Variants in CDK7 observed in about 807,000 individuals in gnomAD.
CDK7 encodes cyclin-dependent kinase 7.
In CDK7, 25 loss-of-function variants were observed where a neutral mutation model predicts 49.1. The ratio of observed to expected loss-of-function variants is 0.51; its 90% CI spans 0.37 to 0.71. CDK7 has a LOEUF of 0.71. CDK7 is among the 30% of genes least tolerant of loss of function. CDK7 has a pLI of 0.00. For missense variants in CDK7, 316 were observed against 411.7 expected (o/e 0.77, Z 2.01); for synonymous variants, 107 against 140.0 (o/e 0.76, Z 1.67).
At chr5:69,241,485 C>T (rs1460811463) in intron 2 of CDK7, among the ~76,000 whole-genome samples, 1 of 151,722 alleles carries the variant, frequency 6.6e-6, no homozygotes, top group Non-Finnish European at 1.5e-5. Context: ...ATCACCACAC[C>T]CGGCTAATTT....
rs182333988 is a variant in CDK7 at position 69,237,716 on chromosome 5, C to T, written c.126+2263C>T. On this transcript the variant is annotated intron_variant, in intron 2 of 11. Transcript: ENST00000256443. ...TTGTAATACCAGCACTTTGGGAGCT[C>T]GAGGCAGGCGGATCACCTGAGGTCA... Among the ~76,000 whole-genome samples the T allele has an allele frequency of 2.0e-3, 303 of 152,166 alleles. 3 individuals carry two copies. The highest frequency in any genetic ancestry group is 7.1e-3 in the African/African-American group (294 of 41,520).
intron 7 of CDK7, among the ~76,000 whole-genome samples, chr5:69,261,488 CTCTGTGTGTGTGTGTGTGTGTGTGTG>C (rs1265598069): frequency 1.7e-5 from 2 of 120,362 alleles, no homozygotes; most frequent in Admixed American, 1.7e-4. Flanking sequence ...TGAAAAGGTT[CTCTGTGTGTGTGTGTGTGTGTGTGTG>C]TGTGTGTGTG....
chr5:69,250,764 C>T (rs188772299), intron 2 of CDK7: 3 of 456,572 alleles, frequency 6.6e-6, no homozygotes, highest in Admixed American at 4.7e-5. Flanking sequence ...CTGGTAGCCA[C>T]TACAGCTGTG....
At chr5:69,269,176 C>CTTT in intron 8 of CDK7, 31 bp from the exon 9 acceptor site, 1 of 1,419,272 alleles carries the variant, frequency 7.0e-7, no homozygotes, top group East Asian at 2.3e-5. Flanking sequence ...AAAAACCCAC[C>CTTT]TTGAAAAGTC....
In CDK7 at chr5:69,255,535, T is replaced by G; in HGVS notation, c.297+7T>G. 5 of 1,533,858 alleles carry G rather than the reference T, an allele frequency of 3.3e-6. No homozygotes were observed. Among genetic ancestry groups the G allele is most frequent in the Non-Finnish European group, 4.5e-6 (5 of 1,107,690 alleles). ...TATGGAAACTGATCTAGAGGTAAGA[T>G]TAAGATTCCTGGAGAAATTCCTTTG... On this transcript the variant is annotated splice_region_variant and intron_variant, in intron 5 of 11. Coordinates refer to ENST00000256443, the MANE Select transcript of CDK7 (RefSeq NM_001799.4).
intron 6 of CDK7, among the ~76,000 whole-genome samples, 177 bp downstream of exon 6, chr5:69,258,330 C>T (rs943641605): frequency 6.6e-6 from 1 of 151,464 alleles, no homozygotes; most frequent in Non-Finnish European, 1.5e-5. Flanking sequence ...TGTAAGGACT[C>T]CATATTACTT....
At chr5:69,243,922 T>A (rs1456887102) in intron 2 of CDK7, among the ~76,000 whole-genome samples, 1 of 140,396 alleles carries the variant, frequency 7.1e-6, no homozygotes, top group Non-Finnish European at 1.5e-5. Context: ...AACCTGTGCC[T>A]CCCGGGTTTG....
intron 2 of CDK7, among the ~76,000 whole-genome samples, chr5:69,251,442 G>T (rs958749683): frequency 1.3e-5 from 2 of 152,022 alleles, no homozygotes; most frequent in Admixed American, 6.6e-5. Flanking sequence ...ACGGGGTCTT[G>T]CTATGTTGCC....
At chr5:69,235,082 A>G in intron 1 of CDK7, 41 bp downstream of exon 1, 1 of 1,550,726 alleles carries the variant, frequency 6.4e-7, no homozygotes, top group South Asian at 1.2e-5. Context: ...CCAAGCGGAC[A>G]GCCCCGCGCC....
intron 8 of CDK7, among the ~76,000 whole-genome samples, chr5:69,268,525 T>C (rs1035809132): frequency 7.2e-5 from 11 of 152,242 alleles, no homozygotes; most frequent in African/African-American, 1.9e-4. Flanking sequence ...GTTTTTCTTA[T>C]TAAATTTATA....
upstream of CDK7, chr5:69,234,854 G>A (rs755930502): frequency 7.2e-6 from 7 of 974,536 alleles, no homozygotes; most frequent in South Asian, 3.0e-5. Flanking sequence ...AGTGAGGCGG[G>A]GATACTAAAG....
In CDK7 at chr5:69,277,295, T is replaced by TA. The variant is rs1336260888; in HGVS notation, c.*164dup. ...TGGGTTATTTTTATTAAATGTATTT[T>TA]AAAATAAAAATTTAATTCTGGTTTT... On this transcript the variant is annotated 3_prime_UTR_variant, in exon 12 of 12. Coordinates refer to ENST00000256443, the MANE Select transcript of CDK7 (RefSeq NM_001799.4). 6.6e-6 allele frequency: 3 copies of TA among 455,874 alleles called. No individual in the cohort carries two copies. The highest frequency in any genetic ancestry group is 2.0e-5 in the African/African-American group (1 of 49,262). 28.2% of individuals were successfully genotyped at this position (455,874 alleles called of 1,614,324 possible). A position where few individuals can be genotyped will look rare whatever the true frequency, so the allele number is the denominator to read the frequency against.
intron 2 of CDK7, among the ~76,000 whole-genome samples, chr5:69,239,875 T>C (rs949342046): frequency 9.5e-5 from 13 of 137,228 alleles, no homozygotes; most frequent in Admixed American, 5.2e-4. Context: ...GAGGATCCAG[T>C]ATTTTTTTTT....
chr5:69,277,305 A>G lies in CDK7; in HGVS notation c.*170A>G. On this transcript the variant is annotated 3_prime_UTR_variant, in exon 12 of 12. Coordinates refer to ENST00000256443, the MANE Select transcript of CDK7 (RefSeq NM_001799.4). ...TTATTAAATGTATTTTAAAATAAAA[A>G]TTTAATTCTGGTTTTTCTGATTAGA... 2.2e-6 allele frequency: 1 copy of G among 450,554 alleles called. No individual in the cohort carries two copies. Among genetic ancestry groups the G allele is most frequent in the Admixed American group, 4.3e-5 (1 of 23,166 alleles). 27.9% of individuals were successfully genotyped at this position (450,554 alleles called of 1,614,324 possible).
chr5:69,251,544 GTTTT>G (rs751573269), intron 2 of CDK7, among the ~76,000 whole-genome samples: 3 of 151,952 alleles, frequency 2.0e-5, no homozygotes, highest in African/African-American at 7.3e-5. Context: ...TTGTGTTTTT[GTTTT>G]TTTGTTTGTT....
intron 7 of CDK7, among the ~76,000 whole-genome samples, chr5:69,261,928 G>C (rs1750853916): frequency 6.6e-6 from 1 of 152,190 alleles, no homozygotes; most frequent in Non-Finnish European, 1.5e-5. Context: ...CCTATTAGGG[G>C]AGGTAGGGTC....
At chr5:69,262,770 G>A (rs1750919697) in intron 8 of CDK7, among the ~76,000 whole-genome samples, 1 of 151,944 alleles carries the variant, frequency 6.6e-6, no homozygotes, top group African/African-American at 2.4e-5. Context: ...AAAGCCAAAT[G>A]TAGCATTTTT....
At chr5:69,267,286 G>A (rs1751219198) in intron 8 of CDK7, among the ~76,000 whole-genome samples, 1 of 134,984 alleles carries the variant, frequency 7.4e-6, no homozygotes, top group African/African-American at 2.7e-5. Flanking sequence ...TTCTCTATAA[G>A]GATTCCTTTT....
chr5:69,249,928 C>G (rs1229688612), intron 2 of CDK7, among the ~76,000 whole-genome samples: 2 of 152,184 alleles, frequency 1.3e-5, no homozygotes, highest in African/African-American at 4.8e-5. Context: ...CTTTTTAATT[C>G]TTTCAAGTAT....
Sources: allele counts gnomAD v4.1 joint callset (sites outside exome capture counted in the v4.1 genomes callset), GRCh38; gene constraint gnomAD v4.1.1; transcripts MANE v1.5; gene names NCBI Gene and HGNC (gene_info 2026-07-23, HGNC 2026-07-21).